The following DYRK4 variants were observed in gnomAD, a reference collection of about 807,000 sequenced individuals.
DYRK4 encodes dual specificity tyrosine phosphorylation regulated kinase 4.
In DYRK4, 64 loss-of-function variants were observed where a neutral mutation model predicts 68.3. That is an observed-to-expected ratio of 0.94 (90% CI 0.77 to 1.15). The LOEUF (loss-of-function observed/expected upper bound fraction) is 1.15, where lower values mean the gene tolerates loss of function less well. Ranked by LOEUF, DYRK4 falls within the 50% of genes most tolerant of loss-of-function variation. The pLI is 0.00. For missense variants in DYRK4, 740 were observed against 764.7 expected (o/e 0.97, Z 0.38); for synonymous variants, 274 against 289.9 (o/e 0.95, Z 0.56).
rs767256025 is a variant in DYRK4 at position 4,613,764 on chromosome 12, G to A, written c.*11G>A. ...CCCCCTATTGTATGACCTTTGCTGA[G>A]GGTATGTCCTGCTCCTTTCCACCAG... On this transcript the variant is annotated 3_prime_UTR_variant, in exon 15 of 15. Transcript: ENST00000543431. The surrounding 1 kb of genome is among the most constrained non-coding windows in gnomAD (Gnocchi z 4.0). The A allele has an allele frequency of 2.6e-6, 4 of 1,521,982 alleles. No individual in the cohort carries two copies. In the South Asian group the frequency reaches 4.0e-5, roughly 15 times the overall value. 94.3% of individuals were successfully genotyped at this position (1,521,982 alleles called of 1,614,324 possible). A position where few individuals can be genotyped will look rare whatever the true frequency, so the allele number is the denominator to read the frequency against.
chr12:4,611,670 A>G (rs1004390257), intron 13 of DYRK4, among the ~76,000 whole-genome samples: 1 of 152,204 alleles, frequency 6.6e-6, no homozygotes, highest in African/African-American at 2.4e-5. Flanking sequence ...TAGGACCTTA[A>G]TGAGTCTAGA....
chr12:4,592,677 C>T (rs1422190450), intron 5 of DYRK4: 2 of 190,194 alleles, frequency 1.1e-5, no homozygotes, highest in Non-Finnish European at 1.1e-5. Flanking sequence ...CAACTTGCCA[C>T]CTAAACTATA....
chr12:4,590,658 A>T (rs975446063), intron 4 of DYRK4: 19 of 991,558 alleles, frequency 1.9e-5, no homozygotes, highest in Non-Finnish European at 2.5e-5. Context: ...TAGAGCTGTC[A>T]GGAGGATTCA....
At chr12:4,594,731 G>T (rs573506537) in intron 6 of DYRK4, among the ~76,000 whole-genome samples, 79 of 150,508 alleles carry the variant, frequency 5.2e-4, no homozygotes, top group African/African-American at 1.7e-3. Flanking sequence ...TGGTGAGGGC[G>T]TTGTGGGGAA....
At chr12:4,572,343 G>A (rs576678160) in intron 2 of DYRK4, among the ~76,000 whole-genome samples, 9 of 152,008 alleles carry the variant, frequency 5.9e-5, no homozygotes, top group Non-Finnish European at 2.9e-5. Context: ...GTGCAGTGGC[G>A]CGATCTTGGC....
Position 4,604,945 on chromosome 12 carries a change from AT to A in DYRK4, c.1159del (p.Ser387ProfsTer4), listed in dbSNP as rs755874218. The part of the protein sequence containing the change: ...YTYIQSRFYR[S>X]PEVILGHPYD... The stretch of plus-strand genomic sequence containing the variant: ...CGTACATCCAAAGCCGGTTCTACCG[AT>A]CCCCAGAAGTGATCCTGGGCCACCC... On this transcript the variant is annotated frameshift_variant, in exon 11 of 15. Transcript: ENST00000543431. LOFTEE classifies it high-confidence loss of function. 99 of 1,611,778 alleles carry A rather than the reference AT, an allele frequency of 6.1e-5. No homozygotes were observed. In the African/African-American group the frequency reaches 1.1e-3, roughly 19 times the overall value.
chr12:4,606,298 C>CTATG (rs1160714716), intron 11 of DYRK4, among the ~76,000 whole-genome samples: 1 of 144,636 alleles, frequency 6.9e-6, no homozygotes, highest in Non-Finnish European at 1.6e-5. Context: ...GGCTGGCTAT[C>CTATG]TATCTATCTA....
chr12:4,603,675 C>T (rs1410378791), intron 10 of DYRK4, among the ~76,000 whole-genome samples: 1 of 152,186 alleles, frequency 6.6e-6, no homozygotes, highest in Non-Finnish European at 1.5e-5. Context: ...TCTGGCAGAT[C>T]AATTTTTGAG....
At chr12:4,573,104 T>C (rs1026928928) in intron 2 of DYRK4, 2 of 352,572 alleles carry the variant, frequency 5.7e-6, no homozygotes, top group Non-Finnish European at 1.1e-5. Context: ...CTATTATTTA[T>C]GGTAATGCAT....
intron 9 of DYRK4, among the ~76,000 whole-genome samples, chr12:4,599,431 T>G (rs890063049): frequency 1.3e-5 from 2 of 152,124 alleles, no homozygotes; most frequent in Admixed American, 1.3e-4. Context: ...AAAGTCACTA[T>G]CTTCAGGAGT....
In DYRK4 at chr12:4,579,164, C is replaced by T. The variant is rs7968532; in HGVS notation, c.133-9773C>T. Among the ~76,000 whole-genome samples the T allele has an allele frequency of 8.9e-3, 1,351 of 152,172 alleles. 21 individuals are homozygous for T. The highest frequency in any genetic ancestry group is 0.03 in the African/African-American group (1,263 of 41,498). On this transcript the variant is annotated intron_variant, in intron 2 of 14. Transcript: ENST00000543431. Reference sequence around the variant, plus strand: ...GTGGCGTGCCCTGTAGTCCCAGCTACTTGAGAGGCTGAGGCAGGAGAATCA... The same window carrying T: ...GTGGCGTGCCCTGTAGTCCCAGCTATTTGAGAGGCTGAGGCAGGAGAATCA...
rs765964908 is a variant in DYRK4, at chr12:4,599,090, G to T, written c.968G>T (p.Arg323Leu). 2 of 1,613,902 alleles carry T rather than the reference G, an allele frequency of 1.2e-6. No individual in the cohort carries two copies. Among genetic ancestry groups the T allele is most frequent in the East Asian group, 2.2e-5 (1 of 44,872 alleles). ...NFQGFSLSIVRRFTLSVLKCL... is the reference protein window; with the variant it reads ...NFQGFSLSIVLRFTLSVLKCL... ...CAAGGCTTCAGTCTGTCCATAGTTC[G>T]GCGCTTCACTCTCTCTGTTTTGAAG... The change falls in exon 9 of 15, where the codon CGG becomes CTG. Residue 323 changes from arginine (R) to leucine (L), a missense_variant. Coordinates refer to ENST00000543431, the MANE Select transcript of DYRK4 (RefSeq NM_001394779.1).
At chr12:4,572,654 C>T (rs1944744633) in intron 2 of DYRK4, among the ~76,000 whole-genome samples, 1 of 152,274 alleles carries the variant, frequency 6.6e-6, no homozygotes, top group Non-Finnish European at 1.5e-5. Context: ...CATTTCATCA[C>T]CAGGTGTGAG....
chr12:4,599,376 C>A (rs1945055737), intron 9 of DYRK4, among the ~76,000 whole-genome samples: 1 of 148,694 alleles, frequency 6.7e-6, no homozygotes, highest in Non-Finnish European at 1.5e-5. Flanking sequence ...ATTTCTAAGG[C>A]CGTGCAAGCA....
intron 2 of DYRK4, among the ~76,000 whole-genome samples, chr12:4,581,460 T>C (rs1944840884): frequency 6.6e-6 from 1 of 152,206 alleles, no homozygotes; most frequent in African/African-American, 2.4e-5. Flanking sequence ...CTCTTTGAAA[T>C]TGCAGCTGCC....
rs1025737417 is a variant in DYRK4, at chr12:4,565,640, T to A, written c.39-2315T>A. 2.1e-3 allele frequency among the ~76,000 whole-genome samples: 319 copies of A among 152,070 alleles called. 4 individuals are homozygous for A. Among genetic ancestry groups the A allele is most frequent in the Non-Finnish European group, 2.8e-4 (19 of 68,006 alleles). ...ATTTCACATTTACTTTTTTTTTTTT[T>A]TTTAAGATGGAGTCTTGCTCTGTTG... is the stretch of plus-strand genomic sequence containing the variant. On this transcript the variant is annotated intron_variant, in intron 1 of 14. Coordinates refer to ENST00000543431, the MANE Select transcript of DYRK4 (RefSeq NM_001394779.1).
At chr12:4,611,959 A>C (rs1231430095) in intron 13 of DYRK4, among the ~76,000 whole-genome samples, 1 of 152,234 alleles carries the variant, frequency 6.6e-6, no homozygotes, top group Non-Finnish European at 1.5e-5. Flanking sequence ...AAAAGTCAAG[A>C]ACTTTTAAAG....
At chr12:4,603,721 A>C (rs1205076270) in intron 10 of DYRK4, among the ~76,000 whole-genome samples, 1 of 152,222 alleles carries the variant, frequency 6.6e-6, no homozygotes, top group Non-Finnish European at 1.5e-5. Flanking sequence ...TATGAATCCT[A>C]TAAGAAATTC....
chr12:4,570,683 T>G (rs977416827), intron 2 of DYRK4, among the ~76,000 whole-genome samples: 3 of 151,806 alleles, frequency 2.0e-5, no homozygotes, highest in African/African-American at 7.2e-5. Flanking sequence ...AAATTAATAA[T>G]TATTTATGTT....
Sources: gnomAD v4.1 joint callset for allele counts (sites outside exome capture counted in the v4.1 genomes callset) on GRCh38, gnomAD v4.1.1 for gene constraint, Gnocchi (gnomAD v3.1) non-coding constraint, MANE v1.5 for transcripts, NCBI Gene and HGNC (gene_info 2026-07-23, HGNC 2026-07-21) for gene names.